Variants in STK32B observed in about 807,000 individuals in gnomAD.
STK32B encodes serine/threonine-protein kinase 32B.
In STK32B, 43 loss-of-function variants were observed where a neutral mutation model predicts 52.6. The ratio of observed to expected loss-of-function variants is 0.82; its 90% CI spans 0.64 to 1.05. STK32B has a LOEUF of 1.05. STK32B is among the 50% of genes least tolerant of loss of function. The pLI is 0.00. For synonymous variants in STK32B, 238 were observed against 204.3 expected (o/e 1.17, Z -1.41); for missense variants, 621 against 534.6 (o/e 1.16, Z -1.59).
chr4:5,465,424 G>T (rs899749437), intron 9 of STK32B, among the ~76,000 whole-genome samples: 1 of 152,086 alleles, frequency 6.6e-6, no homozygotes, highest in Non-Finnish European at 1.5e-5. Context: ...TCATGGCAAA[G>T]GCACTGGCTG....
chr4:5,438,314 G>T (rs115024926), intron 6 of STK32B, among the ~76,000 whole-genome samples: 1 of 152,206 alleles, frequency 6.6e-6, no homozygotes, highest in Admixed American at 6.5e-5. Flanking sequence ...GCACAGATCA[G>T]TGCCCAGCAT....
At chr4:5,181,887 TCTTC>T (rs1218306814) in intron 3 of STK32B, among the ~76,000 whole-genome samples, 1 of 152,250 alleles carries the variant, frequency 6.6e-6, no homozygotes, top group Non-Finnish European at 1.5e-5. Flanking sequence ...AATGATTAAC[TCTTC>T]CTTTGACGAA....
intron 11 of STK32B, among the ~76,000 whole-genome samples, chr4:5,473,506 A>G (rs1261735579): frequency 6.6e-6 from 1 of 152,182 alleles, no homozygotes; most frequent in African/African-American, 2.4e-5. Context: ...GTACAGGCCC[A>G]GAGTGGATTA....
chr4:5,456,176 A>G (rs16837296), intron 7 of STK32B, among the ~76,000 whole-genome samples: 2,713 of 152,342 alleles, frequency 0.018, 43 homozygotes, highest in South Asian at 0.083. Flanking sequence ...GAAACTGCAC[A>G]TGGCAATGTT....
intron 1 of STK32B, among the ~76,000 whole-genome samples, chr4:5,100,728 T>G (rs930004840): frequency 9.7e-6 from 1 of 103,084 alleles, no homozygotes; most frequent in African/African-American, 3.8e-5. Flanking sequence ...CCTCCTTCCC[T>G]TCTTCCTTCT....
At chr4:5,323,326 C>G (rs982849910) in intron 3 of STK32B, among the ~76,000 whole-genome samples, 3 of 152,164 alleles carry the variant, frequency 2.0e-5, no homozygotes, top group Non-Finnish European at 2.9e-5. Context: ...CTGGCTGTTG[C>G]AGAGAGCAGA....
intron 3 of STK32B, among the ~76,000 whole-genome samples, chr4:5,235,894 C>G (rs1272714630): frequency 6.6e-6 from 1 of 152,198 alleles, no homozygotes; most frequent in East Asian, 1.9e-4. Flanking sequence ...CAGGGGGAGG[C>G]AGCTTCCTGC....
At chr4:5,238,898 G>C (rs776617854) in intron 3 of STK32B, among the ~76,000 whole-genome samples, 13 of 152,196 alleles carry the variant, frequency 8.5e-5, no homozygotes, top group African/African-American at 1.4e-4. Context: ...CAATTTAAAA[G>C]TAATACATTG....
chr4:5,381,264 A>G (rs993167336), intron 4 of STK32B, among the ~76,000 whole-genome samples: 1 of 152,228 alleles, frequency 6.6e-6, no homozygotes, highest in Non-Finnish European at 1.5e-5. Flanking sequence ...ACCTCAAGGA[A>G]GAACTGCTGT....
intron 1 of STK32B, among the ~76,000 whole-genome samples, chr4:5,076,815 T>A (rs79897556): frequency 0.022 from 3,334 of 152,274 alleles, 136 homozygotes; most frequent in African/African-American, 0.075. Context: ...GATACTGATA[T>A]CATAGGATCC....
chr4:5,185,890 A>G (rs1206439337), intron 3 of STK32B, among the ~76,000 whole-genome samples: 1 of 151,900 alleles, frequency 6.6e-6, no homozygotes, highest in Non-Finnish European at 1.5e-5. Context: ...CCCTACTACC[A>G]TCTTGGGCCA....
chr4:5,207,706 A>T (rs761029532), intron 3 of STK32B, among the ~76,000 whole-genome samples: 2 of 151,136 alleles, frequency 1.3e-5, no homozygotes, highest in Non-Finnish European at 2.9e-5. Context: ...ATGCTCCAGC[A>T]TTTTTTTTCT....
chr4:5,358,120 C>G (rs1734299621), intron 4 of STK32B, among the ~76,000 whole-genome samples: 1 of 152,114 alleles, frequency 6.6e-6, no homozygotes, highest in Admixed American at 6.5e-5. Context: ...AAGTGAGATA[C>G]AAGAGAATCC....
intron 1 of STK32B, among the ~76,000 whole-genome samples, chr4:5,096,673 TG>T (rs1014170828): frequency 6.6e-6 from 1 of 152,316 alleles, no homozygotes; most frequent in East Asian, 1.9e-4. Context: ...CGGCACCTGC[TG>T]GGGCCAGTCG....
At chr4:5,032,302 C>T in the STK32B span, among the ~76,000 whole-genome samples, 5 of 151,268 alleles carry the variant, frequency 3.3e-5, no homozygotes, top group East Asian at 3.9e-4. Context: ...GGTGAAACCC[C>T]GTCTCTACTA....
chr4:5,363,002 A>G (rs531707754), intron 4 of STK32B, among the ~76,000 whole-genome samples: 2 of 152,318 alleles, frequency 1.3e-5, no homozygotes, highest in African/African-American at 4.8e-5. Context: ...CACAGGAAAC[A>G]CATTGGAGAT....
At chr4:5,374,808 A>G (rs534138364) in intron 4 of STK32B, among the ~76,000 whole-genome samples, 5 of 152,202 alleles carry the variant, frequency 3.3e-5, no homozygotes, top group East Asian at 3.9e-4. Flanking sequence ...TTCAAACCAC[A>G]GCAGTGAGCA....
the STK32B span, among the ~76,000 whole-genome samples, chr4:5,032,360 C>A: frequency 6.6e-6 from 1 of 151,132 alleles, no homozygotes; most frequent in Non-Finnish European, 1.5e-5. Context: ...GTAGTCCCAG[C>A]TACTCAGGAG....
At chr4:5,388,471 G>A (rs115244319) in intron 4 of STK32B, among the ~76,000 whole-genome samples, 257 of 152,312 alleles carry the variant, frequency 1.7e-3, no homozygotes, top group African/African-American at 5.9e-3. Context: ...CTGTTCATGT[G>A]TGAGGGGCTT....
Sources: gnomAD v4.1 joint callset for allele counts (sites outside exome capture counted in the v4.1 genomes callset) on GRCh38, gnomAD v4.1.1 for gene constraint, MANE v1.5 for transcripts, NCBI Gene and HGNC (gene_info 2026-07-23, HGNC 2026-07-21) for gene names.